The following HTR2C variants were observed in gnomAD, a reference collection of about 807,000 sequenced individuals.
HTR2C encodes the protein 5-hydroxytryptamine (serotonin) receptor 2C, G protein-coupled.
HTR2C carries 5 observed loss-of-function variants against 21.0 expected under a neutral mutation model. The observed-to-expected ratio is 0.24, with a 90% CI of 0.12 to 0.50. The LOEUF (loss-of-function observed/expected upper bound fraction) is 0.50, where lower values mean the gene tolerates loss of function less well. HTR2C is among the 20% of genes least tolerant of loss of function. HTR2C has a pLI of 0.98. For synonymous variants in HTR2C, 150 were observed against 145.3 expected (o/e 1.03, Z -0.23); for missense variants, 271 against 371.2 (o/e 0.73, Z 2.22).
At chrX:114,800,911 C>T (rs1282242656) in intron 4 of HTR2C, among the ~76,000 whole-genome samples, 1 of 111,252 alleles carries the variant, frequency 9.0e-6, no homozygotes, top group Non-Finnish European at 1.9e-5. Flanking sequence ...TCAATAGTCT[C>T]TCTGCGCATG....
chrX:114,888,092 T>C (rs139516998), intron 5 of HTR2C, among the ~76,000 whole-genome samples: 2,229 of 112,203 alleles, frequency 0.02, 12 homozygotes, highest in Non-Finnish European at 0.033. Flanking sequence ...TTACCCTTGT[T>C]GCTCCCAAAT....
chrX:114,821,893 T>TA (rs2070636548), intron 4 of HTR2C, among the ~76,000 whole-genome samples: 1 of 106,664 alleles, frequency 9.4e-6, no homozygotes, highest in African/African-American at 3.4e-5. Flanking sequence ...TTTTTTTTTT[T>TA]TTTGAGATGG....
chrX:114,843,995 T>C (rs1295874400), intron 4 of HTR2C, among the ~76,000 whole-genome samples: 2 of 106,341 alleles, frequency 1.9e-5, no homozygotes, highest in Non-Finnish European at 3.9e-5. Context: ...CTAAAGGGAG[T>C]CCTTCAGGAT....
chrX:114,837,662 T>G (rs2070799122), intron 4 of HTR2C, among the ~76,000 whole-genome samples: 1 of 105,762 alleles, frequency 9.5e-6, no homozygotes, highest in Non-Finnish European at 1.9e-5. Context: ...TCCAGCATAG[T>G]TTTTAGAAGA....
At chrX:114,795,228 G>GT (rs1187785722) in intron 4 of HTR2C, among the ~76,000 whole-genome samples, 1 of 110,479 alleles carries the variant, frequency 9.1e-6, no homozygotes, top group Non-Finnish European at 1.9e-5. Context: ...GGGGTTGTTT[G>GT]TTTTTTTCTT....
chrX:114,656,575 CAG>C (rs1171127947), intron 2 of HTR2C, among the ~76,000 whole-genome samples: 3 of 110,987 alleles, frequency 2.7e-5, no homozygotes, highest in African/African-American at 9.8e-5. Flanking sequence ...TCCAGAGAGA[CAG>C]AGAGTCTTTT....
chrX:114,591,512 G>C (rs1432991429), intron 1 of HTR2C, among the ~76,000 whole-genome samples: 2 of 111,732 alleles, frequency 1.8e-5, no homozygotes, highest in African/African-American at 6.5e-5. Flanking sequence ...AGCAAGGGCA[G>C]ATTCTTTAGT....
chrX:114,786,309 C>T (rs781853857), intron 4 of HTR2C, among the ~76,000 whole-genome samples: 11 of 111,709 alleles, frequency 9.8e-5, no homozygotes, highest in Non-Finnish European at 1.9e-4. Context: ...TCCAGAAATT[C>T]CATGCTTAGG....
intron 5 of HTR2C, among the ~76,000 whole-genome samples, chrX:114,901,837 A>G (rs1040266976): frequency 4.0e-4 from 45 of 111,807 alleles, no homozygotes; most frequent in Non-Finnish European, 9.4e-5. Context: ...CAGAAAGGTT[A>G]AGTGATTCCA....
At chrX:114,754,791 T>G (rs1479399250) in intron 4 of HTR2C, among the ~76,000 whole-genome samples, 1 of 111,383 alleles carries the variant, frequency 9.0e-6, no homozygotes, top group African/African-American at 3.3e-5. Context: ...TTTATCAAAA[T>G]GAAAAACTTT....
rs1931395119 is a variant in HTR2C, at chrX:114,672,008, TG to T, written c.-79-54849del. Among the ~76,000 whole-genome samples, 5 of 111,213 alleles carry T rather than the reference TG, an allele frequency of 4.5e-5. No individual in the cohort carries two copies. The South Asian group carries it at 1.9e-3, about 42-fold the overall frequency. On this transcript the variant is annotated intron_variant, in intron 2 of 5. Transcript: ENST00000276198. ...TCTCCTTCTTTCTCAATCATGGAAA[TG>T]AAAAAGGTCACTACTATTTATATTA...
intron 2 of HTR2C, among the ~76,000 whole-genome samples, chrX:114,614,769 T>A (rs1556399662): frequency 8.9e-6 from 1 of 111,754 alleles, no homozygotes; most frequent in Non-Finnish European, 1.9e-5. Context: ...CAGATCCAGA[T>A]AATGGAACAC....
intron 2 of HTR2C, among the ~76,000 whole-genome samples, chrX:114,622,394 GA>G (rs1486076716): frequency 1.8e-5 from 2 of 111,349 alleles, no homozygotes; most frequent in Non-Finnish European, 3.8e-5. Context: ...AAAAAAACCA[GA>G]GCTGGAAATT....
intron 2 of HTR2C, among the ~76,000 whole-genome samples, chrX:114,632,742 A>T (rs1929681857): frequency 9.0e-6 from 1 of 110,743 alleles, no homozygotes; most frequent in Admixed American, 9.7e-5. Context: ...CCTTTATATA[A>T]ACCTCCTTGT....
intron 1 of HTR2C, among the ~76,000 whole-genome samples, chrX:114,608,795 A>T (rs1333581465): frequency 2.7e-5 from 3 of 111,968 alleles, no homozygotes; most frequent in Non-Finnish European, 3.8e-5. Context: ...AAACTCAGGA[A>T]GGTTAAATTT....
intron 2 of HTR2C, among the ~76,000 whole-genome samples, chrX:114,699,575 CA>C (rs1477863819): frequency 8.9e-6 from 1 of 111,896 alleles, no homozygotes; most frequent in Non-Finnish European, 1.9e-5. Flanking sequence ...TGATGAATAT[CA>C]GCATGAATTA....
At chrX:114,894,212 C>T (rs1057055809) in intron 5 of HTR2C, among the ~76,000 whole-genome samples, 2 of 111,783 alleles carry the variant, frequency 1.8e-5, no homozygotes, top group Non-Finnish European at 3.8e-5. Flanking sequence ...AATCTTATCA[C>T]GACTTTTAAA....
intron 4 of HTR2C, among the ~76,000 whole-genome samples, chrX:114,780,858 TG>T (rs1556440388): frequency 9.0e-6 from 1 of 111,694 alleles, no homozygotes; most frequent in African/African-American, 3.3e-5. Context: ...AAAGTACCAC[TG>T]GTAAGAGGCA....
intron 5 of HTR2C, among the ~76,000 whole-genome samples, chrX:114,855,939 C>A (rs1423756649): frequency 1.9e-5 from 2 of 107,907 alleles, no homozygotes; most frequent in Admixed American, 1.0e-4. Context: ...AAATTACAGT[C>A]CTGTAGGCAG....
Sources: gnomAD v4.1 joint callset for allele counts (sites outside exome capture counted in the v4.1 genomes callset) on GRCh38, gnomAD v4.1.1 for gene constraint, MANE v1.5 for transcripts, NCBI Gene and HGNC (gene_info 2026-07-23, HGNC 2026-07-21) for gene names.